Variants in NLGN1 observed in about 807,000 individuals in gnomAD.
NLGN1 encodes neuroligin 1, also known as neuroligin-1.
In NLGN1, 12 loss-of-function variants were observed where a neutral mutation model predicts 65.5. The observed-to-expected ratio is 0.18, with a 90% CI of 0.12 to 0.30. The LOEUF is 0.30. NLGN1 is among the 10% of genes least tolerant of loss of function. NLGN1 has a pLI of 1.00. For missense variants in NLGN1, 750 were observed against 1,007.1 expected, an observed-to-expected ratio of 0.74 and a Z score of 3.46; for synonymous variants, 350 against 359.5, an observed-to-expected ratio of 0.97 and a Z score of 0.30.
At chr3:174,197,323 G>T (rs1258510373) in intron 4 of NLGN1, among the ~76,000 whole-genome samples, 1 of 151,592 alleles carries the variant, frequency 6.6e-6, no homozygotes, top group Non-Finnish European at 1.5e-5. Context: ...ACAGAACCAA[G>T]CTTAAAAACT....
intron 2 of NLGN1, among the ~76,000 whole-genome samples, chr3:173,519,513 T>G (rs1354772340): frequency 1.3e-5 from 2 of 152,250 alleles, no homozygotes. Flanking sequence ...ACACACCCCT[T>G]GCACAAGTGT....
At chr3:173,645,627 T>A (rs1265249667) in intron 3 of NLGN1, among the ~76,000 whole-genome samples, 1 of 152,162 alleles carries the variant, frequency 6.6e-6, no homozygotes, top group Non-Finnish European at 1.5e-5. Context: ...ATTAGTTCCA[T>A]GGGGAAAAAT....
intron 3 of NLGN1, among the ~76,000 whole-genome samples, chr3:173,805,702 C>T (rs1716487199): frequency 6.6e-6 from 1 of 152,156 alleles, no homozygotes; most frequent in Non-Finnish European, 1.5e-5. Context: ...TGTGCTACCT[C>T]CAAGCATACA....
At chr3:173,911,403 T>C (rs1035963010) in intron 4 of NLGN1, among the ~76,000 whole-genome samples, 2 of 152,206 alleles carry the variant, frequency 1.3e-5, no homozygotes, top group Non-Finnish European at 2.9e-5. Context: ...TTAAATATTG[T>C]AATCATCCAG....
intron 4 of NLGN1, among the ~76,000 whole-genome samples, chr3:173,872,143 A>C (rs1409799604): frequency 6.6e-6 from 1 of 152,120 alleles, no homozygotes; most frequent in African/African-American, 2.4e-5. Context: ...CCTCTCGTGG[A>C]CTGAGAGAGG....
intron 4 of NLGN1, among the ~76,000 whole-genome samples, chr3:174,195,274 A>G (rs1733198064): frequency 6.6e-6 from 1 of 152,202 alleles, no homozygotes; most frequent in Non-Finnish European, 1.5e-5. Flanking sequence ...TATGTTCAAA[A>G]TAGAATATAC....
At chr3:174,106,813 A>G (rs1713928470) in intron 4 of NLGN1, among the ~76,000 whole-genome samples, 1 of 152,076 alleles carries the variant, frequency 6.6e-6, no homozygotes, top group Non-Finnish European at 1.5e-5. Flanking sequence ...GTGATGTCTG[A>G]GGGCAGGAGA....
intron 1 of NLGN1, among the ~76,000 whole-genome samples, chr3:173,422,793 TTGTC>T (rs1337384019): frequency 6.6e-6 from 1 of 152,228 alleles, no homozygotes; most frequent in African/African-American, 2.4e-5. Context: ...TCTAGACCAT[TTGTC>T]TGTTTTTACA....
chr3:174,239,705 G>A (rs1422579410), intron 4 of NLGN1, among the ~76,000 whole-genome samples: 1 of 152,104 alleles, frequency 6.6e-6, no homozygotes, highest in Non-Finnish European at 1.5e-5. Flanking sequence ...GCTAAAAACT[G>A]AGTCAGCCAG....
chr3:173,765,874 T>A (rs1486871868), intron 3 of NLGN1, among the ~76,000 whole-genome samples: 1 of 152,136 alleles, frequency 6.6e-6, no homozygotes, highest in Non-Finnish European at 1.5e-5. Context: ...TTTCATCATC[T>A]CTTTCTGTCA....
chr3:174,204,295 A>G (rs536374859), intron 4 of NLGN1, among the ~76,000 whole-genome samples: 23 of 152,340 alleles, frequency 1.5e-4, no homozygotes, highest in African/African-American at 5.5e-4. Context: ...TTAACATTGT[A>G]CAACACTGTA....
At chr3:173,489,035 CT>C (rs958925049) in intron 2 of NLGN1, among the ~76,000 whole-genome samples, 18 of 151,926 alleles carry the variant, frequency 1.2e-4, no homozygotes, top group African/African-American at 4.3e-4. Context: ...TCTCAACCCC[CT>C]GTTCACTCCT....
chr3:173,692,197 C>T (rs1363491378), intron 3 of NLGN1, among the ~76,000 whole-genome samples: 1 of 152,020 alleles, frequency 6.6e-6, no homozygotes, highest in African/African-American at 2.4e-5. Context: ...TTGTTAAGCC[C>T]ACTAGTGTTT....
At chr3:173,707,573 T>C (rs1406846205) in intron 3 of NLGN1, among the ~76,000 whole-genome samples, 1 of 152,020 alleles carries the variant, frequency 6.6e-6, no homozygotes, top group Non-Finnish European at 1.5e-5. Context: ...GAAGACTGAG[T>C]CTCTGTCTCC....
chr3:174,027,157 C>T lies in NLGN1; in HGVS notation c.646+219325C>T, dbSNP rs941346368. Among the ~76,000 whole-genome samples the T allele has an allele frequency of 2.0e-5, 3 of 151,584 alleles. No homozygotes were observed. In the South Asian group the frequency reaches 6.2e-4, roughly 32 times the overall value. On this transcript the variant is annotated intron_variant, in intron 4 of 6. Coordinates refer to ENST00000457714, the Ensembl canonical transcript of NLGN1. ...GCCTTTAAAGCAATATAAATTTATA[C>T]TGAGGTTCCTGCATACTATAACACA... is the stretch of plus-strand genomic sequence containing the variant.
chr3:173,422,104 A>T (rs959972685), intron 1 of NLGN1, among the ~76,000 whole-genome samples: 1 of 151,528 alleles, frequency 6.6e-6, no homozygotes, highest in Non-Finnish European at 1.5e-5. Flanking sequence ...TATATATGTG[A>T]TATATATGTG....
At chr3:173,686,167 A>G (rs1476012543) in intron 3 of NLGN1, among the ~76,000 whole-genome samples, 1 of 152,164 alleles carries the variant, frequency 6.6e-6, no homozygotes, top group East Asian at 1.9e-4. Context: ...CAATATTGAG[A>G]TAACTGTGAA....
At chr3:173,601,800 T>C (rs1750585723) in intron 2 of NLGN1, among the ~76,000 whole-genome samples, 1 of 151,992 alleles carries the variant, frequency 6.6e-6, no homozygotes, top group Admixed American at 6.6e-5. Flanking sequence ...TGGTAAAATA[T>C]GTATAAAAAT....
At chr3:174,082,550 A>G (rs559946053) in intron 4 of NLGN1, among the ~76,000 whole-genome samples, 2 of 151,884 alleles carry the variant, frequency 1.3e-5, no homozygotes, top group African/African-American at 4.8e-5. Flanking sequence ...AAGATATAAT[A>G]GTAAATAGAA....
Sources: allele counts gnomAD v4.1 joint callset (sites outside exome capture counted in the v4.1 genomes callset), GRCh38; gene constraint gnomAD v4.1.1; transcripts MANE v1.5; gene names NCBI Gene and HGNC (gene_info 2026-07-23, HGNC 2026-07-21).